The following CABP1 variants were observed in gnomAD, a reference collection of about 807,000 sequenced individuals.
CABP1 encodes the protein calcium binding protein 1.
A neutral mutation model predicts 34.3 loss-of-function variants in CABP1; 17 were observed. The ratio of observed to expected loss-of-function variants is 0.50; its 90% CI spans 0.34 to 0.74. The LOEUF is 0.74. Ranked by LOEUF, CABP1 falls within the 30% of genes least tolerant of loss-of-function variation. The probability of loss-of-function intolerance (pLI) is 0.01; values close to 1 mark genes in which losing one functional copy is unlikely to be tolerated. For synonymous variants in CABP1, 198 were observed against 229.2 expected (o/e 0.86, Z 1.23); for missense variants, 373 against 511.1 (o/e 0.73, Z 2.61).
At chr12:120,655,935 A>G (rs1565998135) in intron 1 of CABP1, 2 of 1,538,078 alleles carry the variant, frequency 1.3e-6, no homozygotes, top group South Asian at 2.4e-5. Context: ...TGTCTGTTGG[A>G]CCAATTTGAT....
chr12:120,680,391 C>G, the CABP1 span, among the ~76,000 whole-genome samples: 2 of 152,168 alleles, frequency 1.3e-5, no homozygotes, highest in South Asian at 4.1e-4. Flanking sequence ...GTCTGACCCC[C>G]AAATCTTGGT....
At chr12:120,656,318 G>A (rs1450714943) in intron 1 of CABP1, 3 of 1,473,026 alleles carry the variant, frequency 2.0e-6, no homozygotes, top group African/African-American at 1.4e-5. Flanking sequence ...GGCTTCACAG[G>A]GCGTGAGGAG....
chr12:120,667,795 A>G (rs569705912), downstream of CABP1, among the ~76,000 whole-genome samples: 1 of 152,200 alleles, frequency 6.6e-6, no homozygotes, highest in African/African-American at 2.4e-5. Flanking sequence ...GCCAACATGC[A>G]TTTATTGAGT....
intron 1 of CABP1, among the ~76,000 whole-genome samples, chr12:120,643,864 T>C (rs997400065): frequency 1.3e-5 from 2 of 152,264 alleles, no homozygotes; most frequent in Non-Finnish European, 2.9e-5. Flanking sequence ...TTAGTTATTC[T>C]TCTTCTTTGT....
chr12:120,675,785 T>G, the CABP1 span, among the ~76,000 whole-genome samples: 9,847 of 152,198 alleles, frequency 0.065, 375 homozygotes, highest in Admixed American at 0.12. Context: ...AGCAATGATT[T>G]ATTGTATCAG....
chr12:120,654,690 TGCAGGC>T (rs1880061028), intron 1 of CABP1, among the ~76,000 whole-genome samples: 1 of 151,516 alleles, frequency 6.6e-6, no homozygotes, highest in African/African-American at 2.4e-5. Context: ...GAAGGCAGAG[TGCAGGC>T]CGAAGGCAGA....
At chr12:120,665,519 A>G (rs1592896692) in intron 5 of CABP1, among the ~76,000 whole-genome samples, 2 of 152,208 alleles carry the variant, frequency 1.3e-5, no homozygotes, top group East Asian at 3.8e-4. Flanking sequence ...CATAGAATGT[A>G]CATCGCCAAC....
At chr12:120,652,740 A>G (rs1428810964) in intron 1 of CABP1, among the ~76,000 whole-genome samples, 2 of 152,072 alleles carry the variant, frequency 1.3e-5, no homozygotes, top group East Asian at 3.9e-4. Context: ...GAAGACATTC[A>G]TTCGGCAAGA....
Position 120,640,914 on chromosome 12 carries a change from G to A in CABP1, c.229G>A (p.Ala77Thr), listed in dbSNP as rs1479387795. The A allele has an allele frequency of 1.1e-5, 12 of 1,106,332 alleles. No individual in the cohort carries two copies. The highest frequency in any genetic ancestry group is 1.3e-5 in the Non-Finnish European group (12 of 908,554). The allele number at this position is 1,106,332 out of a possible 1,614,324, so 68.5% of individuals were successfully genotyped here. The change falls in exon 1 of 6, where the codon GCG (alanine) becomes ACG (threonine). Residue 77 changes from alanine (A) to threonine (T), a missense_variant. Ala to Thr is a moderately conservative substitution (Grantham distance 58). Transcript: ENST00000316803. The surrounding 1 kb of genome is among the most constrained non-coding windows in gnomAD (Gnocchi z 6.2). The part of the protein sequence containing the change: ...SKTSLLKAAA[A>T]AASGGSRAPR... ...GACGTCGCTGCTGAAGGCGGCGGCG[G>A]CGGCGGCGAGCGGGGGCAGCCGGGC... is the stretch of plus-strand genomic sequence containing the variant.
chr12:120,677,437 C>T, the CABP1 span, among the ~76,000 whole-genome samples: 4 of 134,888 alleles, frequency 3.0e-5, no homozygotes, highest in African/African-American at 1.1e-4. Flanking sequence ...CACTCTGTTG[C>T]CCAGGCTGGA....
At chr12:120,676,396 T>C in the CABP1 span, among the ~76,000 whole-genome samples, 1 of 152,064 alleles carries the variant, frequency 6.6e-6, no homozygotes, top group Non-Finnish European at 1.5e-5. Context: ...GGAAAGAAAC[T>C]GAAAAGAATA....
intron 5 of CABP1, among the ~76,000 whole-genome samples, 174 bp from the exon 6 acceptor site, chr12:120,666,701 A>G (rs1340451301): frequency 2.0e-5 from 3 of 152,182 alleles, no homozygotes; most frequent in Admixed American, 6.5e-5. Flanking sequence ...CAGCGGTCAG[A>G]TCCGCAGATT....
At position 120,640,663 on chromosome 12, in the gene CABP1, G is replaced by A; in HGVS notation, c.-23G>A. The A allele has an allele frequency of 8.5e-7, 1 of 1,173,726 alleles. No individual in the cohort carries two copies. Among genetic ancestry groups the A allele is most frequent in the South Asian group, 4.2e-5 (1 of 23,636 alleles). The allele number at this position is 1,173,726 out of a possible 1,614,324, so 72.7% of individuals were successfully genotyped here. A position where few individuals can be genotyped will look rare whatever the true frequency, so the allele number is the denominator to read the frequency against. On this transcript the variant is annotated 5_prime_UTR_variant, in exon 1 of 6. Coordinates refer to ENST00000316803, the MANE Select transcript of CABP1 (RefSeq NM_001033677.2). The surrounding 1 kb of genome is among the most constrained non-coding windows in gnomAD (Gnocchi z 6.2). ...CCAGCCGCCGGGAGCTCCGGGCTCC[G>A]GGCGTAGAGGCTGCGCTGTCACATG...
intron 1 of CABP1, chr12:120,655,380 C>G: frequency 4.8e-6 from 1 of 209,206 alleles, no homozygotes; most frequent in Middle Eastern, 2.5e-3. Context: ...TTGCAGTGAG[C>G]CAAGATCACG....
intron 1 of CABP1, among the ~76,000 whole-genome samples, chr12:120,647,510 G>A (rs1429447301): frequency 1.4e-5 from 2 of 146,166 alleles, no homozygotes; most frequent in South Asian, 2.2e-4. Flanking sequence ...CACCATGCCC[G>A]GCCCAGGATA....
In CABP1 at chr12:120,666,940, G is replaced by A; in HGVS notation, c.*40G>A. The A allele has an allele frequency of 6.3e-7, 1 of 1,585,226 alleles. No individual in the cohort carries two copies. Among genetic ancestry groups the A allele is most frequent in the Non-Finnish European group, 8.5e-7 (1 of 1,171,192 alleles). On this transcript the variant is annotated 3_prime_UTR_variant, in exon 6 of 6. Transcript: ENST00000316803. Reference sequence around the variant, plus strand: ...CTCCAGGACTGCCAAGCTCCCAAAGGCGGGGCTAAGAGGAGCTAGAGCTTG... The same window carrying A: ...CTCCAGGACTGCCAAGCTCCCAAAGACGGGGCTAAGAGGAGCTAGAGCTTG...
At chr12:120,676,745 G>C in the CABP1 span, among the ~76,000 whole-genome samples, 1 of 152,056 alleles carries the variant, frequency 6.6e-6, no homozygotes, top group Non-Finnish European at 1.5e-5. Context: ...TTATTTCTGA[G>C]TATGTGTACT....
downstream of CABP1, among the ~76,000 whole-genome samples, chr12:120,669,257 G>C (rs1881167458): frequency 6.6e-6 from 1 of 152,244 alleles, no homozygotes; most frequent in Admixed American, 6.5e-5. Flanking sequence ...GTGGGGCTGG[G>C]AGCTCCAAAT....
intron 5 of CABP1, among the ~76,000 whole-genome samples, chr12:120,665,845 C>G (rs938540408): frequency 6.6e-6 from 1 of 151,572 alleles, no homozygotes; most frequent in East Asian, 1.9e-4. Flanking sequence ...CATGGTGAAA[C>G]CCCATCTCTA....
Sources: gnomAD v4.1 joint callset for allele counts (sites outside exome capture counted in the v4.1 genomes callset) on GRCh38, gnomAD v4.1.1 for gene constraint, Gnocchi (gnomAD v3.1) non-coding constraint, MANE v1.5 for transcripts, NCBI Gene and HGNC (gene_info 2026-07-23, HGNC 2026-07-21) for gene names.